Variants in TPD52L1 observed in about 807,000 individuals in gnomAD.
TPD52L1 encodes the protein TPD52 like 1.
Under a neutral mutation model 28.7 loss-of-function variants are expected in TPD52L1, and 18 were observed. That is an observed-to-expected ratio of 0.63 (90% CI 0.43 to 0.93). The LOEUF (loss-of-function observed/expected upper bound fraction) is 0.93. Ranked by LOEUF, TPD52L1 falls within the 40% of genes least tolerant of loss-of-function variation. The pLI is 0.00. For synonymous variants in TPD52L1, 75 were observed against 88.8 expected (o/e 0.84, Z 0.88); for missense variants, 203 against 254.8 (o/e 0.80, Z 1.39).
intron 1 of TPD52L1, among the ~76,000 whole-genome samples, chr6:125,160,697 C>T (rs886741602): frequency 3.9e-5 from 6 of 152,206 alleles, no homozygotes; most frequent in African/African-American, 1.4e-4. Flanking sequence ...CTGACATCTT[C>T]TTCCAGTGTA....
At chr6:125,259,786 GC>G (rs1358030971) in intron 6 of TPD52L1, among the ~76,000 whole-genome samples, 1 of 152,226 alleles carries the variant, frequency 6.6e-6, no homozygotes, top group Non-Finnish European at 1.5e-5. Context: ...GCCCAACTCA[GC>G]GATTCAAATG....
In TPD52L1 at chr6:125,216,349, A is replaced by T. The variant is rs188892581; in HGVS notation, c.20-3729A>T. 1.5e-3 allele frequency among the ~76,000 whole-genome samples: 221 copies of T among 152,098 alleles called. 4 individuals are homozygous for T. Among genetic ancestry groups the T allele is most frequent in the African/African-American group, 5.1e-3 (213 of 41,486 alleles). ...TGAAGCACCTAATGACTTAGCTAGG[A>T]GATGTTCACTGCAGCTTCCCAGCAA... On this transcript the variant is annotated intron_variant, in intron 1 of 6. Coordinates refer to ENST00000534000, the MANE Select transcript of TPD52L1 (RefSeq NM_003287.4).
Position 125,248,318 on chromosome 6 carries a change from G to C in TPD52L1, c.321G>C (p.Gly107=). 1.2e-6 allele frequency: 2 copies of C among 1,614,112 alleles called. No individual in the cohort carries two copies. The highest frequency in any genetic ancestry group is 1.7e-6 in the Non-Finnish European group (2 of 1,180,020). The change falls in exon 4 of 7, where the codon GGG becomes GGC. Residue 107 remains glycine, a synonymous_variant. Transcript: ENST00000534000. ...CACATGAAACCCTGAGTCACGCAGG[G>C]CAAAAGGCAACTGCAGCTTTCAGCA... ...KKTHETLSHA[G]QKATAAFSNV... is the part of the protein sequence containing the mutation.
intron 1 of TPD52L1, among the ~76,000 whole-genome samples, chr6:125,210,493 A>G (rs1206437694): frequency 3.3e-5 from 5 of 152,246 alleles, no homozygotes; most frequent in East Asian, 1.9e-4. Context: ...AGATTAAGCC[A>G]GAATAAGAAA....
intron 1 of TPD52L1, among the ~76,000 whole-genome samples, chr6:125,159,813 C>T (rs1171318083): frequency 6.6e-6 from 1 of 152,152 alleles, no homozygotes; most frequent in East Asian, 1.9e-4. Flanking sequence ...ACATCTCCAT[C>T]AGAACTCTTG....
In TPD52L1 at chr6:125,248,341, G is replaced by C. The variant is rs1406808468; in HGVS notation, c.344G>C (p.Ser115Thr). ...HAGQKATAAF[S>T]NVGTAISKKF... ...GGGCAAAAGGCAACTGCAGCTTTCA[G>C]CAACGTTGGAACGGCCATCAGCAAG... The change falls in exon 4 of 7, where the codon AGC (serine) becomes ACC (threonine). Residue 115 changes from serine (S) to threonine (T), a missense_variant. Ser to Thr is a moderately conservative substitution (Grantham distance 58). Coordinates refer to ENST00000534000, the MANE Select transcript of TPD52L1 (RefSeq NM_003287.4). 2 of 1,614,068 alleles carry C rather than the reference G, an allele frequency of 1.2e-6. No homozygotes were observed. Among genetic ancestry groups the C allele is most frequent in the Non-Finnish European group, 1.7e-6 (2 of 1,180,034 alleles).
At chr6:125,254,139 A>G (rs1797445071) in intron 5 of TPD52L1, among the ~76,000 whole-genome samples, 1 of 152,248 alleles carries the variant, frequency 6.6e-6, no homozygotes, top group Admixed American at 6.5e-5. Flanking sequence ...TTATTTCCGC[A>G]GAATTAAATG....
chr6:125,235,253 G>A lies in TPD52L1; in HGVS notation c.284+5987G>A, dbSNP rs76060445. ...TAAGATCAAGTTCAATCAGGATGCA[G>A]CATAAGGTTACAGGGCCTGTGCAAT... On this transcript the variant is annotated intron_variant, in intron 3 of 6. Transcript: ENST00000534000. 8.7e-4 allele frequency among the ~76,000 whole-genome samples: 133 copies of A among 152,030 alleles called. 1 individual carries two copies. The East Asian group carries it at 0.015, about 17-fold the overall frequency.
chr6:125,182,354 T>A (rs1792255671), intron 1 of TPD52L1, among the ~76,000 whole-genome samples: 1 of 152,130 alleles, frequency 6.6e-6, no homozygotes, highest in African/African-American at 2.4e-5. Flanking sequence ...CACAGCTGCC[T>A]TTTTTAGGAA....
chr6:125,209,442 C>T (rs1218313308), intron 1 of TPD52L1, among the ~76,000 whole-genome samples: 3 of 152,256 alleles, frequency 2.0e-5, no homozygotes, highest in African/African-American at 2.4e-5. Context: ...GGGATATTCA[C>T]TATAGTCCCA....
intron 1 of TPD52L1, among the ~76,000 whole-genome samples, chr6:125,194,197 G>C (rs1178773130): frequency 1.3e-5 from 2 of 151,698 alleles, no homozygotes; most frequent in Non-Finnish European, 2.9e-5. Flanking sequence ...ATTTCCTTTG[G>C]AAGCGTCTAG....
At chr6:125,251,919 C>T in intron 4 of TPD52L1, 2 of 1,202,246 alleles carry the variant, frequency 1.7e-6, no homozygotes, top group South Asian at 1.3e-5. Context: ...TGTCTGTGCT[C>T]TGGGGCCCTT....
intron 1 of TPD52L1, among the ~76,000 whole-genome samples, chr6:125,186,608 C>A (rs924255830): frequency 1.3e-5 from 2 of 152,144 alleles, no homozygotes; most frequent in Non-Finnish European, 2.9e-5. Flanking sequence ...AACTGTGACA[C>A]ATGACAAAGT....
At chr6:125,155,507 A>C (rs1790060616) in intron 1 of TPD52L1, among the ~76,000 whole-genome samples, 1 of 152,244 alleles carries the variant, frequency 6.6e-6, no homozygotes, top group South Asian at 2.1e-4. Context: ...GCTTTGCTTT[A>C]CTTCCAAGAT....
intron 1 of TPD52L1, among the ~76,000 whole-genome samples, chr6:125,208,236 C>A (rs1300308179): frequency 6.6e-6 from 1 of 152,156 alleles, no homozygotes; most frequent in African/African-American, 2.4e-5. Flanking sequence ...GCCAAGATAT[C>A]ATTAGAGAGC....
At chr6:125,206,199 A>G (rs542496691) in intron 1 of TPD52L1, among the ~76,000 whole-genome samples, 1 of 152,308 alleles carries the variant, frequency 6.6e-6, no homozygotes, top group South Asian at 2.1e-4. Flanking sequence ...TGTGTTCTTT[A>G]TATTTTCAGA....
chr6:125,212,010 T>A (rs919414909), intron 1 of TPD52L1, among the ~76,000 whole-genome samples: 1 of 152,214 alleles, frequency 6.6e-6, no homozygotes, highest in Non-Finnish European at 1.5e-5. Flanking sequence ...AGATTTTTTG[T>A]GGTCTTAAAG....
At chr6:125,163,939 A>G (rs1188765451) in intron 1 of TPD52L1, among the ~76,000 whole-genome samples, 1 of 151,440 alleles carries the variant, frequency 6.6e-6, no homozygotes, top group Non-Finnish European at 1.5e-5. Flanking sequence ...AAAGAAAACA[A>G]AAGAAAAAAA....
At chr6:125,206,669 G>C (rs1285215430) in intron 1 of TPD52L1, among the ~76,000 whole-genome samples, 1 of 152,210 alleles carries the variant, frequency 6.6e-6, no homozygotes, top group Non-Finnish European at 1.5e-5. Flanking sequence ...GGAGGACTTT[G>C]AATGATTATA....
Sources: allele counts gnomAD v4.1 joint callset (sites outside exome capture counted in the v4.1 genomes callset), GRCh38; gene constraint gnomAD v4.1.1; transcripts MANE v1.5; gene names NCBI Gene and HGNC (gene_info 2026-07-23, HGNC 2026-07-21).